Variants in PLAC1 observed in about 807,000 individuals in gnomAD.
PLAC1 encodes the protein placenta associated 1, also known as placenta-specific protein 1.
For synonymous variants in PLAC1, 68 were observed against 62.1 expected (o/e 1.09, Z -0.44); for missense variants, 136 against 163.2 (o/e 0.83, Z 0.91).
At chrX:134,678,031 G>T (rs2078481343) in intron 2 of PLAC1, among the ~76,000 whole-genome samples, 1 of 111,492 alleles carries the variant, frequency 9.0e-6, no homozygotes, top group Admixed American at 9.5e-5. Flanking sequence ...TTGAGCAAGG[G>T]GATGGATGGA....
At chrX:134,744,281 C>CAAA (rs779609449) in intron 1 of PLAC1, among the ~76,000 whole-genome samples, 3 of 51,434 alleles carry the variant, frequency 5.8e-5, no homozygotes, top group Admixed American at 2.6e-4. Context: ...GACTCCATCT[C>CAAA]AAAAAAAAAA....
intron 1 of PLAC1, among the ~76,000 whole-genome samples, chrX:134,749,748 C>T (rs867453676): frequency 2.1e-4 from 23 of 111,955 alleles, no homozygotes; most frequent in South Asian, 3.7e-4. Flanking sequence ...TTTCTCCTTT[C>T]CCACAAATAG....
In PLAC1 at chrX:134,566,332, G is replaced by A. The variant is rs774987455; in HGVS notation, c.351C>T (p.Ala117=). ...SKFVIPVSCA[A]PQKSPWLTKP... is the part of the protein sequence containing the mutation. ...TGGTGAGCCATGGGGACTTTTGGGGGGCAGCACATGACACTGGGATCACAA... is the reference window on the plus strand; with the variant it reads ...TGGTGAGCCATGGGGACTTTTGGGGAGCAGCACATGACACTGGGATCACAA... Residue 117 remains alanine (A), a synonymous_variant, in exon 3 of 3, where the codon GCC becomes GCT. Transcript: ENST00000359237. 1 of 1,211,767 alleles carries A rather than the reference G, an allele frequency of 8.3e-7. No homozygotes were observed. The highest frequency in any genetic ancestry group is 2.2e-5 in the Admixed American group (1 of 46,003).
chrX:134,597,951 C>A (rs945699948), intron 2 of PLAC1, among the ~76,000 whole-genome samples: 1 of 111,680 alleles, frequency 9.0e-6, no homozygotes, highest in Non-Finnish European at 1.9e-5. Flanking sequence ...AGGGAACTCA[C>A]GAACTCATGT....
At chrX:134,694,791 AT>A (rs945408771) in intron 2 of PLAC1, among the ~76,000 whole-genome samples, 11 of 111,816 alleles carry the variant, frequency 9.8e-5, no homozygotes, top group African/African-American at 3.6e-4. Context: ...TTACCAAACT[AT>A]TTATATCATT....
intron 2 of PLAC1, among the ~76,000 whole-genome samples, chrX:134,677,534 C>T (rs1329627654): frequency 9.0e-6 from 1 of 110,892 alleles, no homozygotes; most frequent in East Asian, 2.8e-4. Flanking sequence ...ACCATATTAC[C>T]ACCTAGAGGA....
intron 2 of PLAC1, among the ~76,000 whole-genome samples, chrX:134,700,895 G>A (rs189599352): frequency 4.0e-4 from 45 of 111,587 alleles, no homozygotes; most frequent in African/African-American, 1.3e-3. Flanking sequence ...CACTATTCCT[G>A]TGAAATTAAC....
intron 1 of PLAC1, among the ~76,000 whole-genome samples, chrX:134,656,775 C>T (rs1018849094): frequency 4.5e-5 from 5 of 110,964 alleles, no homozygotes; most frequent in Non-Finnish European, 7.6e-5. Flanking sequence ...TTTGTAGAGA[C>T]GGTGTCTCCC....
At chrX:134,580,688 CAG>C (rs1174460029) in intron 2 of PLAC1, among the ~76,000 whole-genome samples, 1 of 111,506 alleles carries the variant, frequency 9.0e-6, no homozygotes, top group Non-Finnish European at 1.9e-5. Flanking sequence ...AAATGGGAGA[CAG>C]AAATTCAAGG....
chrX:134,630,727 T>A (rs1205123173), intron 1 of PLAC1, among the ~76,000 whole-genome samples: 1 of 111,921 alleles, frequency 8.9e-6, no homozygotes, highest in Non-Finnish European at 1.9e-5. Flanking sequence ...ACTAGTGCGA[T>A]CTTGGCCAAG....
intron 2 of PLAC1, among the ~76,000 whole-genome samples, chrX:134,692,070 G>A (rs1022782392): frequency 2.7e-5 from 3 of 111,979 alleles, no homozygotes; most frequent in Non-Finnish European, 5.6e-5. Context: ...TGTCACAGAT[G>A]GGTTATTTCA....
At chrX:134,594,862 A>T (rs1322317904) in intron 2 of PLAC1, among the ~76,000 whole-genome samples, 1 of 105,577 alleles carries the variant, frequency 9.5e-6, no homozygotes, top group Non-Finnish European at 1.9e-5. Flanking sequence ...CCTTTTTTTC[A>T]ATTTCAACTC....
intron 2 of PLAC1, among the ~76,000 whole-genome samples, chrX:134,593,017 G>A (rs2078046921): frequency 9.1e-6 from 1 of 109,770 alleles, no homozygotes; most frequent in Non-Finnish European, 1.9e-5. Context: ...GTGAGCCACC[G>A]CGCCCAGCGC....
At chrX:134,615,683 C>G (rs749077212) in intron 1 of PLAC1, among the ~76,000 whole-genome samples, 1 of 111,721 alleles carries the variant, frequency 9.0e-6, no homozygotes, top group Admixed American at 9.6e-5. Context: ...CGCTTTTCTG[C>G]TAGGTTTTCT....
intron 1 of PLAC1, among the ~76,000 whole-genome samples, chrX:134,646,359 ATTACCC>A (rs911042837): frequency 2.7e-5 from 3 of 112,286 alleles, no homozygotes; most frequent in African/African-American, 9.7e-5. Context: ...CCGTTTTCTA[ATTACCC>A]TTACTCAGCT....
At chrX:134,649,395 C>T (rs984373244) in intron 1 of PLAC1, among the ~76,000 whole-genome samples, 2 of 111,172 alleles carry the variant, frequency 1.8e-5, no homozygotes, top group Middle Eastern at 4.2e-3. Flanking sequence ...GGTGGAAATA[C>T]GCTATGATGC....
chrX:134,651,728 T>C (rs1176282042), intron 1 of PLAC1, among the ~76,000 whole-genome samples: 1 of 97,608 alleles, frequency 1.0e-5, no homozygotes, highest in Non-Finnish European at 2.1e-5. Context: ...CCTCACCTTT[T>C]TCCCCCCTTT....
chrX:134,637,663 C>G (rs1279480247), intron 1 of PLAC1, among the ~76,000 whole-genome samples: 1 of 111,736 alleles, frequency 8.9e-6, no homozygotes, highest in Non-Finnish European at 1.9e-5. Context: ...GCCTGGCCAA[C>G]ATGGTCTAAC....
rs181736478 is a variant in PLAC1 at position 134,607,500 on chromosome X, G to A, written c.-130-5378C>T. The A allele has an allele frequency of 3.2e-3, 516 of 160,723 alleles. 4 individuals carry two copies. Among genetic ancestry groups the A allele is most frequent in the African/African-American group, 0.015 (475 of 31,205 alleles). 13.2% of individuals were successfully genotyped at this position (160,723 alleles called of 1,213,427 possible). Reference sequence around the variant, plus strand: ...ATGAAGGAAACTGTTCAGAGAAAAAGGAAGCCAAAGAGAAAGGTACCTGGG... The same window carrying A: ...ATGAAGGAAACTGTTCAGAGAAAAAAGAAGCCAAAGAGAAAGGTACCTGGG... On this transcript the variant is annotated intron_variant, in intron 1 of 2. Transcript: ENST00000359237.
Sources: allele counts gnomAD v4.1 joint callset (sites outside exome capture counted in the v4.1 genomes callset), GRCh38; gene constraint gnomAD v4.1.1; transcripts MANE v1.5; gene names NCBI Gene and HGNC (gene_info 2026-07-23, HGNC 2026-07-21).